TRIT1: variants seen among roughly 807,000 people sequenced by gnomAD.
The protein encoded by TRIT1 is tRNA dimethylallyltransferase.
A neutral mutation model predicts 51.2 loss-of-function variants in TRIT1; 43 were observed. The observed-to-expected ratio is 0.84, with a 90% CI of 0.66 to 1.08. The LOEUF is 1.08. TRIT1 is among the 50% of genes least tolerant of loss of function. The pLI is 0.00. For missense variants in TRIT1, 528 were observed against 578.4 expected (o/e 0.91, Z 0.89); for synonymous variants, 184 against 203.9 (o/e 0.90, Z 0.83).
chr1:39,856,300 C>T lies in TRIT1; in HGVS notation c.315+977G>A, dbSNP rs57939160. ...TAGCCTGGGTGACAGAGCAAGACTC[C>T]GTCTCAAAAAATAATAATAATAAAA... On this transcript the variant is annotated intron_variant, in intron 2 of 10. Transcript: ENST00000316891. Among the ~76,000 whole-genome samples, 1,216 of 151,714 alleles carry T rather than the reference C, an allele frequency of 8.0e-3. 28 individuals carry two copies. The highest frequency in any genetic ancestry group is 0.028 in the African/African-American group (1,145 of 41,322).
chr1:39,838,796 C>T lies in TRIT1; in HGVS notation c.*2948G>A, dbSNP rs960460493. 5.3e-5 allele frequency among the ~76,000 whole-genome samples: 8 copies of T among 152,100 alleles called. No homozygotes were observed. The highest frequency in any genetic ancestry group is 5.9e-5 in the Non-Finnish European group (4 of 68,024). ...GATTACAGGCGTGAGCCACCACTCC[C>T]GGACTGTTATTTTTTAATGTTATAC... On this transcript the variant is annotated 3_prime_UTR_variant, in exon 11 of 11. Coordinates refer to ENST00000316891, the MANE Select transcript of TRIT1 (RefSeq NM_017646.6).
intron 1 of TRIT1, among the ~76,000 whole-genome samples, chr1:39,870,219 C>T (rs12044317): frequency 0.027 from 4,161 of 151,972 alleles, 161 homozygotes; most frequent in East Asian, 0.18. Context: ...CCCCCAACCC[C>T]GTGCTCTCTG....
Position 39,853,954 on chromosome 1 carries a change from A to G in TRIT1, c.414+16T>C, listed in dbSNP as rs372748768. 4.0e-5 allele frequency: 63 copies of G among 1,557,878 alleles called. No homozygotes were observed. The highest frequency in any genetic ancestry group is 5.5e-5 in the Non-Finnish European group (62 of 1,132,736). The stretch of plus-strand genomic sequence containing the variant: ...CAATCCATTTCCTCAGTGAGTTACG[A>G]GTGAACTAAACTTACCTTGGTATTG... On this transcript the variant is annotated intron_variant, in intron 3 of 10. Coordinates refer to ENST00000316891, the MANE Select transcript of TRIT1 (RefSeq NM_017646.6).
At chr1:39,881,721 A>G (rs1644272331) in intron 1 of TRIT1, 3 of 152,152 alleles carry the variant, frequency 2.0e-5, no homozygotes, top group Admixed American at 6.5e-5. Context: ...TTTCTTACCT[A>G]TCCAAACTTG....
intron 1 of TRIT1, among the ~76,000 whole-genome samples, chr1:39,875,792 A>G (rs1387200488): frequency 6.6e-6 from 1 of 152,150 alleles, no homozygotes; most frequent in African/African-American, 2.4e-5. Flanking sequence ...GAATGAATAA[A>G]TAAATAAGAG....
intron 1 of TRIT1, among the ~76,000 whole-genome samples, chr1:39,865,376 T>C (rs1265546617): frequency 6.6e-6 from 1 of 152,218 alleles, no homozygotes; most frequent in Non-Finnish European, 1.5e-5. Context: ...TATTATGAAC[T>C]TTCTCTGGGT....
At chr1:39,873,295 G>C (rs1643938928) in intron 1 of TRIT1, among the ~76,000 whole-genome samples, 1 of 152,170 alleles carries the variant, frequency 6.6e-6, no homozygotes, top group Non-Finnish European at 1.5e-5. Context: ...ATCATACTTT[G>C]ATATGATCCA....
chr1:39,866,800 T>G (rs902310571), intron 1 of TRIT1, among the ~76,000 whole-genome samples: 1 of 151,858 alleles, frequency 6.6e-6, no homozygotes, highest in African/African-American at 2.4e-5. Flanking sequence ...AAAGACCCCA[T>G]GTCTACAAAA....
At chr1:39,883,233 G>A (rs971567849) in intron 1 of TRIT1, 85 bp downstream of exon 1, 1 of 1,447,042 alleles carries the variant, frequency 6.9e-7, no homozygotes, top group African/African-American at 1.4e-5. Context: ...ACAAGCCTCG[G>A]GGTTCACCCT....
chr1:39,883,427 G>T lies in TRIT1; in HGVS notation c.65C>A (p.Thr22Asn), dbSNP rs192151286. The T allele has an allele frequency of 3.1e-6, 5 of 1,613,624 alleles. No homozygotes were observed. In the East Asian group the frequency reaches 1.1e-4, roughly 36 times the overall value. ...CCCGAGAATCACTACAAGAGGTAGG[G>T]TCCGTTGCAGGCCCCTGAGCCCACT... Reference protein sequence around the residue: ...VGSGLRGLQRTLPLVVILGAT... With the variant: ...VGSGLRGLQRNLPLVVILGAT... Residue 22 changes from threonine (T) to asparagine (N), a missense_variant, in exon 1 of 11, where the codon ACC becomes AAC. By Grantham distance (65) the Thr-to-Asn change is moderately conservative. Transcript: ENST00000316891.
chr1:39,847,087 T>TATTCC (rs79710068), intron 8 of TRIT1, 133 bp downstream of exon 8: 13,880 of 657,184 alleles, frequency 0.021, 800 homozygotes, highest in East Asian at 0.18. Flanking sequence ...ATTTATGTTA[T>TATTCC]AGAACTTCCC....
At chr1:39,870,610 A>G (rs1474473757) in intron 1 of TRIT1, among the ~76,000 whole-genome samples, 1 of 142,290 alleles carries the variant, frequency 7.0e-6, no homozygotes, top group African/African-American at 2.7e-5. Flanking sequence ...AACTGCGGAA[A>G]TTAAAAGAAA....
rs757007956 is a variant in TRIT1 at position 39,850,153 on chromosome 1, G to T, written c.669C>A (p.Asn223Lys). The T allele has an allele frequency of 3.1e-6, 5 of 1,614,172 alleles. No homozygotes were observed. The South Asian group carries it at 5.5e-5, about 18-fold the overall frequency. The change falls in exon 5 of 11, where the codon AAC becomes AAA. Residue 223 changes from asparagine (N) to lysine (K), a missense_variant. This residue lies in a region of TRIT1 where 468 missense variants were observed against 522.6 expected (regional missense o/e 0.90). Coordinates refer to ENST00000316891, the MANE Select transcript of TRIT1 (RefSeq NM_017646.6). ...CAGCATGAAGCCAAAGGATGCAAGGGTTAGAGAACTTCAGAGGACCTCCAA... is the reference window on the plus strand; with the variant it reads ...CAGCATGAAGCCAAAGGATGCAAGGTTTAGAGAACTTCAGAGGACCTCCAA... ...GPLGGPLKFSNPCILWLHADQ... is the reference protein window; with the variant it reads ...GPLGGPLKFSKPCILWLHADQ...
Position 39,883,390 on chromosome 1 carries a change from G to A in TRIT1, c.102C>T (p.Thr34=), listed in dbSNP as rs745453248. ...PLVVILGATG[T]GKSTLALQLG... Reference sequence around the variant, plus strand: ...GCTGCAACGCCAGCGTGGATTTGCCGGTGCCCGTGGCCCCGAGAATCACTA... The same window carrying A: ...GCTGCAACGCCAGCGTGGATTTGCCAGTGCCCGTGGCCCCGAGAATCACTA... Residue 34 remains threonine, a synonymous_variant, in exon 1 of 11, where the codon ACC becomes ACT. Transcript: ENST00000316891. 6.2e-7 allele frequency: 1 copy of A among 1,613,598 alleles called. No individual in the cohort carries two copies. Among genetic ancestry groups the A allele is most frequent in the Non-Finnish European group, 8.5e-7 (1 of 1,179,876 alleles).
chr1:39,852,487 T>C, intron 4 of TRIT1: 1 of 441,720 alleles, frequency 2.3e-6, no homozygotes, highest in Non-Finnish European at 4.0e-6. Flanking sequence ...CAACATTATA[T>C]AGGCCCTAGG....
intron 1 of TRIT1, among the ~76,000 whole-genome samples, chr1:39,881,939 G>A (rs1327082797): frequency 6.6e-6 from 1 of 152,180 alleles, no homozygotes; most frequent in African/African-American, 2.4e-5. Context: ...TAAAACTCAA[G>A]GGCAGAAATT....
intron 1 of TRIT1, among the ~76,000 whole-genome samples, chr1:39,864,666 T>C (rs1392260064): frequency 6.6e-6 from 1 of 151,014 alleles, no homozygotes; most frequent in African/African-American, 2.4e-5. Context: ...GAAACCCCGA[T>C]CTAAAGAAAT....
chr1:39,849,488 C>CA lies in TRIT1; in HGVS notation c.703+630dup, dbSNP rs548678660. Among the ~76,000 whole-genome samples, 57 of 152,288 alleles carry CA rather than the reference C, an allele frequency of 3.7e-4. No homozygotes were observed. In the South Asian group the frequency reaches 0.011, roughly 30 times the overall value. ...TCGTCATCCCTTCTCTGTGGCCCTACAGCACTCTGAAAATATATCTAGCCC... is the reference window on the plus strand; with the variant it reads ...TCGTCATCCCTTCTCTGTGGCCCTACAAGCACTCTGAAAATATATCTAGCCC... On this transcript the variant is annotated intron_variant, in intron 5 of 10. Coordinates refer to ENST00000316891, the MANE Select transcript of TRIT1 (RefSeq NM_017646.6).
intron 1 of TRIT1, among the ~76,000 whole-genome samples, chr1:39,871,817 G>A (rs1643890676): frequency 1.3e-5 from 2 of 152,068 alleles, no homozygotes; most frequent in Non-Finnish European, 2.9e-5. Context: ...TGGTACTGTG[G>A]GGTATATATC....
Sources: allele counts gnomAD v4.1 joint callset (sites outside exome capture counted in the v4.1 genomes callset), GRCh38; gene constraint gnomAD v4.1.1; regional missense constraint gnomAD v4.1.1; transcripts MANE v1.5; gene names NCBI Gene and HGNC (gene_info 2026-07-23, HGNC 2026-07-21).